PACRG: variants seen among roughly 807,000 people sequenced by gnomAD.
PACRG encodes the protein parkin coregulated gene protein.
In PACRG, 29 loss-of-function variants were observed where a neutral mutation model predicts 29.7. The ratio of observed to expected loss-of-function variants is 0.98; its 90% CI spans 0.73 to 1.33. The LOEUF (loss-of-function observed/expected upper bound fraction) is 1.33. PACRG is among the 40% of genes most tolerant of loss of function. PACRG has a pLI of 0.00. For missense variants in PACRG, 279 were observed against 316.2 expected, an observed-to-expected ratio of 0.88 and a Z score of 0.89; for synonymous variants, 116 against 118.7, an observed-to-expected ratio of 0.98 and a Z score of 0.15.
Position 163,055,611 on chromosome 6 carries a change from A to G in PACRG, c.292-6539A>G, listed in dbSNP as rs1255427842. On this transcript the variant is annotated intron_variant, in intron 2 of 4. Coordinates refer to ENST00000366888, the MANE Select transcript of PACRG (RefSeq NM_001080379.2). This position sits in a 1 kb window ranked among gnomAD's most constrained non-coding sequence, Gnocchi z 4.0. ...AAAAAAGTTTGTGTCTCAAAATATA[A>G]TGGCAAATTGTTATTCTATTATTTT... Among the ~76,000 whole-genome samples the G allele has an allele frequency of 6.6e-6, 1 of 152,174 alleles. No homozygotes were observed. The highest frequency in any genetic ancestry group is 2.4e-5 in the African/African-American group (1 of 41,442).
intron 4 of PACRG, among the ~76,000 whole-genome samples, chr6:163,272,522 A>C: frequency 6.6e-6 from 1 of 152,276 alleles, no homozygotes; most frequent in East Asian, 1.9e-4. Flanking sequence ...TATTTCCTAT[A>C]GTAATAGCAC....
intron 4 of PACRG, among the ~76,000 whole-genome samples, chr6:163,257,457 G>A (rs1297192901): frequency 2.0e-5 from 3 of 152,212 alleles, no homozygotes; most frequent in Non-Finnish European, 4.4e-5. Context: ...GTAAGACACA[G>A]AAGGAGCCGT....
intron 2 of PACRG, among the ~76,000 whole-genome samples, chr6:162,878,048 C>T (rs947166379): frequency 6.6e-6 from 1 of 152,006 alleles, no homozygotes; most frequent in Admixed American, 6.6e-5. Context: ...TTAGAATATA[C>T]CTGTGAATTA....
chr6:163,089,226 T>C, intron 3 of PACRG, 33 bp from the exon 4 acceptor site: 1 of 1,597,098 alleles, frequency 6.3e-7, no homozygotes, highest in South Asian at 1.1e-5. Flanking sequence ...TCTATTAAAA[T>C]ATTTTCTGCT....
intron 2 of PACRG, among the ~76,000 whole-genome samples, chr6:162,828,457 C>T (rs897360501): frequency 6.6e-6 from 1 of 152,178 alleles, no homozygotes; most frequent in African/African-American, 2.4e-5. Flanking sequence ...TAGGCATTAC[C>T]TGAGTACTTA....
At chr6:163,252,151 C>G (rs9295215) in intron 4 of PACRG, among the ~76,000 whole-genome samples, 40,619 of 152,190 alleles carry the variant, frequency 0.27, 5,548 homozygotes, top group East Asian at 0.37. Flanking sequence ...CCCCACAAGA[C>G]GGGTGCACTG....
Position 162,874,151 on chromosome 6 carries a change from A to AAAATAT in PACRG, c.291+59871_291+59872insAATATA, listed in dbSNP as rs67812561. ...AACATGAGGGAGTTAAAAAAAAAAAAATATATATATATATATGTATATATA... is the reference window on the plus strand; with the variant it reads ...AACATGAGGGAGTTAAAAAAAAAAAAAAATATATATATATATATATATGTATATATA... On this transcript the variant is annotated intron_variant, in intron 2 of 4. Transcript: ENST00000366888. 5.4e-3 allele frequency among the ~76,000 whole-genome samples: 730 copies of AAAATAT among 136,256 alleles called. 5 individuals are homozygous for AAAATAT. The highest frequency in any genetic ancestry group is 0.013 in the African/African-American group (486 of 36,492). The allele number at this position is 136,256 out of a possible 152,430, so 89.4% of individuals were successfully genotyped here. A position where few individuals can be genotyped will look rare whatever the true frequency, so the allele number is the denominator to read the frequency against.
At chr6:163,301,102 C>A (rs990537992) in intron 4 of PACRG, among the ~76,000 whole-genome samples, 1 of 152,166 alleles carries the variant, frequency 6.6e-6, no homozygotes, top group African/African-American at 2.4e-5. Flanking sequence ...ACGTCTGCTG[C>A]TTCCCGTGAG....
chr6:162,892,875 C>T (rs1174305564), intron 2 of PACRG, among the ~76,000 whole-genome samples: 2 of 148,966 alleles, frequency 1.3e-5, no homozygotes, highest in Non-Finnish European at 3.0e-5. Context: ...AGAACCACCT[C>T]AGCCTCAGGA....
chr6:162,817,145 C>T (rs1342629129), intron 2 of PACRG, among the ~76,000 whole-genome samples: 1 of 152,148 alleles, frequency 6.6e-6, no homozygotes, highest in Non-Finnish European at 1.5e-5. Context: ...GGCTGTAAAC[C>T]CCGGCACAGG....
chr6:163,194,450 C>G (rs1036022973), intron 4 of PACRG, among the ~76,000 whole-genome samples: 4 of 151,976 alleles, frequency 2.6e-5, no homozygotes, highest in African/African-American at 4.8e-5. Context: ...TTCCATCTGT[C>G]TGCCTTTCCC....
chr6:163,132,999 G>A (rs1585252296), intron 4 of PACRG, among the ~76,000 whole-genome samples: 2 of 152,204 alleles, frequency 1.3e-5, no homozygotes, highest in South Asian at 4.1e-4. Flanking sequence ...GTTAGGTTAA[G>A]CTAGACTATA....
chr6:163,033,934 G>A (rs1807912420), intron 2 of PACRG, among the ~76,000 whole-genome samples: 1 of 152,152 alleles, frequency 6.6e-6, no homozygotes, highest in South Asian at 2.1e-4. Context: ...CATTGTGACA[G>A]AACAATAAAG....
At chr6:162,820,174 G>A (rs1188879248) in intron 2 of PACRG, among the ~76,000 whole-genome samples, 1 of 152,182 alleles carries the variant, frequency 6.6e-6, no homozygotes, top group Non-Finnish European at 1.5e-5. Flanking sequence ...AGGAAATGCT[G>A]TGAATAAATT....
Position 163,315,100 on chromosome 6 carries a change from T to G in PACRG, c.*113T>G. On this transcript the variant is annotated 3_prime_UTR_variant, in exon 5 of 5. Transcript: ENST00000366888. ...CCACAGCTTTCTTTTCTACAGCTGC[T>G]AAAATAGTGGCTTATGGGCCATTGG... 7.7e-7 allele frequency: 1 copy of G among 1,291,712 alleles called. No homozygotes were observed. The highest frequency in any genetic ancestry group is 1.1e-6 in the Non-Finnish European group (1 of 935,170). The allele number at this position is 1,291,712 out of a possible 1,614,324, so 80.0% of individuals were successfully genotyped here.
At chr6:163,139,957 C>G (rs1186991256) in intron 4 of PACRG, among the ~76,000 whole-genome samples, 1 of 152,136 alleles carries the variant, frequency 6.6e-6, no homozygotes, top group Non-Finnish European at 1.5e-5. Context: ...TGACTCCTTC[C>G]TCTTTGCCTA....
intron 1 of PACRG, 25 bp from the exon 2 acceptor site, chr6:162,814,121 TC>T: frequency 6.3e-7 from 1 of 1,592,072 alleles, no homozygotes; most frequent in East Asian, 2.3e-5. Context: ...TAAAACCTGA[TC>T]CCTATTTTTT....
At chr6:163,070,908 T>C (rs1317855160) in intron 3 of PACRG, among the ~76,000 whole-genome samples, 1 of 152,000 alleles carries the variant, frequency 6.6e-6, no homozygotes, top group East Asian at 1.9e-4. Context: ...TTGCTATACT[T>C]ATATCAGACA....
chr6:162,727,943 CG>C, upstream of PACRG: 1 of 592,350 alleles, frequency 1.7e-6, no homozygotes, highest in Non-Finnish European at 3.0e-6. Flanking sequence ...CACCGGGGGG[CG>C]GGGCTATGCG....
Sources: allele counts gnomAD v4.1 joint callset (sites outside exome capture counted in the v4.1 genomes callset), GRCh38; gene constraint gnomAD v4.1.1; non-coding constraint Gnocchi (gnomAD v3.1); transcripts MANE v1.5; gene names NCBI Gene and HGNC (gene_info 2026-07-23, HGNC 2026-07-21).